MAPK10: variants seen among roughly 807,000 people sequenced by gnomAD.
MAPK10 encodes the protein mitogen-activated protein kinase 10.
In MAPK10, 25 loss-of-function variants were observed where a neutral mutation model predicts 59.3. That is an observed-to-expected ratio of 0.42 (90% CI 0.31 to 0.59). MAPK10 has a LOEUF of 0.59. Among genes scored for constraint, MAPK10 ranks in the 20% least tolerant of loss-of-function variants. The pLI is 0.15. For missense variants in MAPK10, 351 were observed against 568.9 expected (o/e 0.62, Z 3.90); for synonymous variants, 190 against 200.5 (o/e 0.95, Z 0.44).
At chr4:86,030,127 C>T (rs1342939438) in intron 12 of MAPK10, among the ~76,000 whole-genome samples, 1 of 152,108 alleles carries the variant, frequency 6.6e-6, no homozygotes, top group Non-Finnish European at 1.5e-5. Flanking sequence ...TATCACCCAC[C>T]TATTCATGAG....
intron 11 of MAPK10, among the ~76,000 whole-genome samples, chr4:86,060,725 A>G (rs2148979592): frequency 6.6e-6 from 1 of 152,236 alleles, no homozygotes; most frequent in Non-Finnish European, 1.5e-5. Context: ...ATGTGTCTTT[A>G]TTTTGGTTTA....
At chr4:86,587,111 C>T (rs1762701622) in intron 1 of MAPK10, among the ~76,000 whole-genome samples, 1 of 152,214 alleles carries the variant, frequency 6.6e-6, no homozygotes, top group African/African-American at 2.4e-5. Context: ...ATTGAAAAAA[C>T]ATTACAGGCT....
At chr4:86,144,319 A>G (rs115447941) in intron 4 of MAPK10, among the ~76,000 whole-genome samples, 4,617 of 152,250 alleles carry the variant, frequency 0.03, 99 homozygotes, top group Middle Eastern at 0.058. Flanking sequence ...ACTTTATAAG[A>G]CTGGAATTTT....
In MAPK10 at chr4:86,432,856, C is replaced by A. The variant is rs578034648; in HGVS notation, c.-122+20174G>T. 1.3e-4 allele frequency among the ~76,000 whole-genome samples: 20 copies of A among 152,218 alleles called. No individual in the cohort carries two copies. The South Asian group carries it at 4.1e-3, about 32-fold the overall frequency. ...GACTCACAGGGATCAATGGAGATGG[C>A]AAACAAAGCATAAAGTTCTTCTGGG... is the stretch of plus-strand genomic sequence containing the variant. On this transcript the variant is annotated intron_variant, in intron 1 of 13. Coordinates refer to the MAPK10 transcript ENST00000361569.
intron 5 of MAPK10, chr4:86,106,993 A>T (rs1183240062): frequency 7.3e-6 from 2 of 275,072 alleles, no homozygotes; most frequent in African/African-American, 4.4e-5. Context: ...TAACTAGGGA[A>T]ATATTTATAA....
At chr4:86,315,514 T>G (rs536978661) in intron 2 of MAPK10, among the ~76,000 whole-genome samples, 5 of 152,160 alleles carry the variant, frequency 3.3e-5, no homozygotes, top group Admixed American at 3.3e-4. Flanking sequence ...ATGTATCCCA[T>G]AAACATATAC....
intron 1 of MAPK10, among the ~76,000 whole-genome samples, chr4:86,372,520 AAAAGAAAGAAAGAAAG>A (rs71598410): frequency 1.1e-5 from 1 of 90,006 alleles, no homozygotes; most frequent in African/African-American, 5.4e-5. Flanking sequence ...CATCTCAAAC[AAAAGAAAGAAAGAAAG>A]AAAGAAAGAA....
At chr4:86,170,099 C>T (rs2073581674) in intron 3 of MAPK10, among the ~76,000 whole-genome samples, 1 of 151,908 alleles carries the variant, frequency 6.6e-6, no homozygotes, top group African/African-American at 2.4e-5. Context: ...CCAGCCGCTG[C>T]AAAATCATGC....
At chr4:86,242,086 T>G (rs1418164329) in intron 2 of MAPK10, among the ~76,000 whole-genome samples, 1 of 152,014 alleles carries the variant, frequency 6.6e-6, no homozygotes, top group Non-Finnish European at 1.5e-5. Flanking sequence ...TGTTTGTTTT[T>G]CCTTCAATAA....
intron 1 of MAPK10, among the ~76,000 whole-genome samples, chr4:86,578,164 T>C (rs138007466): frequency 1.4e-4 from 22 of 152,280 alleles, no homozygotes; most frequent in African/African-American, 5.3e-4. Context: ...TGGCAATACC[T>C]AGAGACATTT....
intron 4 of MAPK10, among the ~76,000 whole-genome samples, chr4:86,131,818 C>T (rs1360105872): frequency 6.6e-6 from 1 of 152,060 alleles, no homozygotes; most frequent in Non-Finnish European, 1.5e-5. Flanking sequence ...TATCAAAATG[C>T]TACATTTACA....
chr4:86,446,676 A>G (rs1280846405), intron 1 of MAPK10, among the ~76,000 whole-genome samples: 2 of 151,978 alleles, frequency 1.3e-5, no homozygotes, highest in Admixed American at 1.3e-4. Flanking sequence ...GCCAACTTGC[A>G]CTCCCACCAG....
chr4:86,295,742 T>TTATATATATTTTATATATATATATTTTA (rs2095344009), intron 2 of MAPK10, among the ~76,000 whole-genome samples: 6 of 143,854 alleles, frequency 4.2e-5, no homozygotes, highest in Admixed American at 4.1e-4. Flanking sequence ...ATATATAAAT[T>TTATATATATTTTATATATATATATTTTA]TATATATATT....
chr4:86,156,526 A>T (rs2067826211), intron 4 of MAPK10, among the ~76,000 whole-genome samples: 1 of 151,986 alleles, frequency 6.6e-6, no homozygotes, highest in African/African-American at 2.4e-5. Context: ...CCATACAATC[A>T]GCTCTTTTCA....
Position 86,135,350 on chromosome 4 carries a change from G to A in MAPK10, c.236+23948C>T, listed in dbSNP as rs371985242. Among the ~76,000 whole-genome samples the A allele has an allele frequency of 5.9e-5, 9 of 152,320 alleles. No individual in the cohort carries two copies. In the East Asian group the frequency reaches 1.7e-3, roughly 29 times the overall value. ...ACAGCTGGAGATCTGAGAAGGGGCA[G>A]ACTGCCTCCTCAAGTGGGTCCCTGA... is the stretch of plus-strand genomic sequence containing the variant. On this transcript the variant is annotated intron_variant, in intron 4 of 13. Transcript: ENST00000641462.
chr4:86,135,348 C>T (rs2061794986), intron 4 of MAPK10, among the ~76,000 whole-genome samples: 2 of 152,212 alleles, frequency 1.3e-5, no homozygotes, highest in South Asian at 2.1e-4. Flanking sequence ...TGAGAAGGGG[C>T]AGACTGCCTC....
intron 1 of MAPK10, among the ~76,000 whole-genome samples, chr4:86,547,411 G>T (rs978494930): frequency 6.6e-6 from 1 of 152,224 alleles, no homozygotes; most frequent in Non-Finnish European, 1.5e-5. Flanking sequence ...CGGCCCCACC[G>T]CCCGGGGCAG....
intron 1 of MAPK10, among the ~76,000 whole-genome samples, chr4:86,589,678 G>A (rs1380415975): frequency 6.2e-5 from 9 of 144,586 alleles, no homozygotes; most frequent in Non-Finnish European, 3.0e-5. Flanking sequence ...GCAAAACTCC[G>A]TCTCAAAAAA....
At chr4:86,390,997 A>G (rs111474247) in intron 1 of MAPK10, among the ~76,000 whole-genome samples, 21 of 152,242 alleles carry the variant, frequency 1.4e-4, no homozygotes, top group Non-Finnish European at 3.1e-4. Context: ...ATCTGTTTGC[A>G]TTACCAGTGC....
Sources: gnomAD v4.1 joint callset for allele counts (sites outside exome capture counted in the v4.1 genomes callset) on GRCh38, gnomAD v4.1.1 for gene constraint, MANE v1.5 for transcripts, NCBI Gene and HGNC (gene_info 2026-07-23, HGNC 2026-07-21) for gene names.